Variants in WARS2 observed in about 807,000 individuals in gnomAD.
WARS2 encodes tryptophanyl tRNA synthetase 2, mitochondrial.
In WARS2, 28 loss-of-function variants were observed where a neutral mutation model predicts 36.5. The observed-to-expected ratio is 0.77, with a 90% confidence interval of 0.57 to 1.05. The LOEUF is 1.05. Among genes scored for constraint, WARS2 ranks in the 50% least tolerant of loss-of-function variants. WARS2 has a pLI of 0.00. For synonymous variants in WARS2, 174 were observed against 178.4 expected (o/e 0.98, Z 0.20); for missense variants, 435 against 456.8 (o/e 0.95, Z 0.44).
At chr1:119,089,700 C>T (rs1219484864) in intron 1 of WARS2, among the ~76,000 whole-genome samples, 1 of 152,132 alleles carries the variant, frequency 6.6e-6, no homozygotes, top group Non-Finnish European at 1.5e-5. Context: ...TAGAAATACT[C>T]ACACAAGAAT....
intron 4 of WARS2, among the ~76,000 whole-genome samples, chr1:119,041,092 C>T (rs1267218174): frequency 2.6e-5 from 4 of 152,200 alleles, no homozygotes; most frequent in Admixed American, 6.5e-5. Context: ...CTCTTTTGGC[C>T]GTTTCCATCA....
chr1:119,085,709 G>T, intron 1 of WARS2: 1 of 1,520,924 alleles, frequency 6.6e-7, no homozygotes, highest in Non-Finnish European at 9.1e-7. Flanking sequence ...CTTCATAGCA[G>T]AGGAAACAGA....
Position 119,032,782 on chromosome 1 carries a change from A to G in WARS2, c.*129T>C, listed in dbSNP as rs1647535364. 1 of 856,668 alleles carries G rather than the reference A, an allele frequency of 1.2e-6. No individual in the cohort carries two copies. The highest frequency in any genetic ancestry group is 1.8e-6 in the Non-Finnish European group (1 of 564,764). 53.1% of individuals were successfully genotyped at this position (856,668 alleles called of 1,614,324 possible). ...AGCTACAAAGCAATATTCATCAAATAAAGCCAATAATCAGCTATACCAAAT... is the reference window on the plus strand; with the variant it reads ...AGCTACAAAGCAATATTCATCAAATGAAGCCAATAATCAGCTATACCAAAT... On this transcript the variant is annotated 3_prime_UTR_variant, in exon 6 of 6. Transcript: ENST00000235521.
intron 1 of WARS2, among the ~76,000 whole-genome samples, chr1:119,108,904 A>G (rs930581028): frequency 1.7e-4 from 26 of 151,898 alleles, no homozygotes; most frequent in African/African-American, 5.8e-4. Flanking sequence ...ACAAATTTCA[A>G]TAAGTTGTAC....
At chr1:119,074,812 G>A (rs897182008) in intron 2 of WARS2, among the ~76,000 whole-genome samples, 2 of 152,082 alleles carry the variant, frequency 1.3e-5, no homozygotes, top group Non-Finnish European at 2.9e-5. Flanking sequence ...TCATAACAAG[G>A]AATGAAATCA....
chr1:119,063,952 G>A (rs1650616876), intron 2 of WARS2: 2 of 152,184 alleles, frequency 1.3e-5, no homozygotes, highest in Admixed American at 6.5e-5. Flanking sequence ...TGTGAGAAGA[G>A]GCCACCATCC....
chr1:119,140,311 G>A, intron 1 of WARS2: 1 of 375,904 alleles, frequency 2.7e-6, no homozygotes, highest in Non-Finnish European at 4.8e-6. Context: ...CCCAGAACTG[G>A]AGGTGGCGGC....
At chr1:119,042,499 C>G in intron 3 of WARS2, 150 bp from the exon 4 acceptor site, 1 of 663,402 alleles carries the variant, frequency 1.5e-6, no homozygotes, top group East Asian at 2.8e-5. Flanking sequence ...TTTAGCAACT[C>G]TAGCCATCTT....
intron 1 of WARS2, among the ~76,000 whole-genome samples, chr1:119,108,529 T>C (rs894457823): frequency 3.7e-5 from 5 of 134,998 alleles, no homozygotes; most frequent in Non-Finnish European, 1.6e-5. Flanking sequence ...TCCATAGTAA[T>C]ATTCCTTCTT....
intron 3 of WARS2, among the ~76,000 whole-genome samples, chr1:119,043,527 G>A (rs1648543939): frequency 6.6e-6 from 1 of 152,096 alleles, no homozygotes; most frequent in Non-Finnish European, 1.5e-5. Context: ...ACTTCAAGTG[G>A]TTTCTGGCTT....
intron 1 of WARS2, among the ~76,000 whole-genome samples, chr1:119,125,275 TAA>T (rs1655574565): frequency 6.6e-6 from 1 of 152,152 alleles, no homozygotes; most frequent in African/African-American, 2.4e-5. Flanking sequence ...GGTCTTCCAT[TAA>T]AAGTCACCTT....
intron 1 of WARS2, among the ~76,000 whole-genome samples, chr1:119,095,982 A>G (rs1318535593): frequency 6.6e-6 from 1 of 152,072 alleles, no homozygotes; most frequent in African/African-American, 2.4e-5. Flanking sequence ...TCTTCCACTC[A>G]TGTTTAGTGG....
intron 1 of WARS2, among the ~76,000 whole-genome samples, chr1:119,100,687 G>T (rs1653791896): frequency 6.6e-6 from 1 of 152,132 alleles, no homozygotes; most frequent in African/African-American, 2.4e-5. Context: ...TTGAGACAGG[G>T]TCTCACTCTG....
intron 1 of WARS2, among the ~76,000 whole-genome samples, chr1:119,115,002 T>C (rs1484915118): frequency 3.3e-5 from 5 of 152,176 alleles, no homozygotes; most frequent in Non-Finnish European, 7.4e-5. Context: ...TCAGCTTCAA[T>C]TGGCTCCAGT....
intron 5 of WARS2, 43 bp from the exon 6 acceptor site, chr1:119,033,402 A>T (rs1190795680): frequency 6.2e-7 from 1 of 1,607,374 alleles, no homozygotes; most frequent in African/African-American, 1.3e-5. Context: ...AAACAAAAAC[A>T]AAACAAACAG....
chr1:119,085,340 G>A lies in WARS2; in HGVS notation c.91-8733C>T, dbSNP rs1352707682. The A allele has an allele frequency of 2.2e-6, 3 of 1,348,410 alleles. No homozygotes were observed. The African/African-American group carries it at 4.3e-5, about 19-fold the overall frequency. 83.5% of individuals were successfully genotyped at this position (1,348,410 alleles called of 1,614,324 possible). A position where few individuals can be genotyped will look rare whatever the true frequency, so the allele number is the denominator to read the frequency against. ...GCACTGACTTCTGAGCTCTCTCCTA[G>A]TTCTTGCTGCTGTGCTTCTTAGGGC... On this transcript the variant is annotated intron_variant, in intron 1 of 5. Coordinates refer to ENST00000235521, the MANE Select transcript of WARS2 (RefSeq NM_015836.4).
chr1:119,119,742 T>C (rs894073303), intron 1 of WARS2, among the ~76,000 whole-genome samples: 1 of 152,060 alleles, frequency 6.6e-6, no homozygotes, highest in African/African-American at 2.4e-5. Context: ...ATACTGGAAA[T>C]TAACTCCAAA....
chr1:119,126,994 T>C (rs1225424607), intron 1 of WARS2: 9 of 741,596 alleles, frequency 1.2e-5, no homozygotes, highest in African/African-American at 8.6e-5. Flanking sequence ...ATCCATGCCA[T>C]GGAAGTTAGG....
intron 1 of WARS2, among the ~76,000 whole-genome samples, 178 bp from the exon 2 acceptor site, chr1:119,076,785 C>CA (rs999950767): frequency 9.2e-5 from 14 of 151,960 alleles, no homozygotes; most frequent in Middle Eastern, 3.4e-3. Context: ...CTACTAGGCA[C>CA]AAAAAAATGA....
Sources: gnomAD v4.1 joint callset for allele counts (sites outside exome capture counted in the v4.1 genomes callset) on GRCh38, gnomAD v4.1.1 for gene constraint, MANE v1.5 for transcripts, NCBI Gene and HGNC (gene_info 2026-07-23, HGNC 2026-07-21) for gene names.